Variants in CNTNAP2 observed in about 807,000 individuals in gnomAD.
CNTNAP2 encodes contactin associated protein 2.
CNTNAP2 carries 98 observed loss-of-function variants against 155.2 expected under a neutral mutation model. That is an observed-to-expected ratio of 0.63 (90% confidence interval 0.54 to 0.75). The LOEUF (loss-of-function observed/expected upper bound fraction) is 0.75, where lower values mean the gene tolerates loss of function less well. CNTNAP2 is among the 30% of genes least tolerant of loss of function. The pLI is 0.00. For missense variants in CNTNAP2, 1,727 were observed against 1,688.1 expected, an observed-to-expected ratio of 1.02 and a Z score of -0.40; for synonymous variants, 651 against 631.2, an observed-to-expected ratio of 1.03 and a Z score of -0.47.
chr7:146,781,042 C>T (rs190145099), intron 2 of CNTNAP2, among the ~76,000 whole-genome samples: 6 of 151,982 alleles, frequency 3.9e-5, no homozygotes, highest in South Asian at 2.1e-4. Context: ...TCCTGGCTAA[C>T]GTGGTGAAAT....
intron 22 of CNTNAP2, chr7:148,389,828 G>C (rs1056985095): frequency 4.6e-5 from 7 of 152,074 alleles, no homozygotes; most frequent in African/African-American, 1.7e-4. Flanking sequence ...TCCTTTGGGA[G>C]AGTGAAAGGG....
chr7:147,410,805 A>G (rs938588314), intron 10 of CNTNAP2, among the ~76,000 whole-genome samples: 5 of 152,252 alleles, frequency 3.3e-5, no homozygotes, highest in African/African-American at 1.2e-4. Context: ...TGTGTTAAAT[A>G]AAATATTAAT....
At chr7:147,458,924 T>C (rs1797967507) in intron 10 of CNTNAP2, among the ~76,000 whole-genome samples, 2 of 152,160 alleles carry the variant, frequency 1.3e-5, no homozygotes, top group Non-Finnish European at 1.5e-5. Context: ...TTCACATGCA[T>C]GAAATCAAGA....
chr7:147,630,600 C>A (rs1264163673), intron 12 of CNTNAP2, among the ~76,000 whole-genome samples: 1 of 152,100 alleles, frequency 6.6e-6, no homozygotes, highest in East Asian at 1.9e-4. Context: ...CCAAATTCAA[C>A]AGCATATCAA....
At chr7:147,594,754 TA>T (rs2116849933) in intron 12 of CNTNAP2, among the ~76,000 whole-genome samples, 1 of 152,238 alleles carries the variant, frequency 6.6e-6, no homozygotes, top group East Asian at 1.9e-4. Context: ...CCTGAATGAC[TA>T]AATTAGGTTT....
chr7:147,824,706 C>CA (rs35259690), intron 13 of CNTNAP2, among the ~76,000 whole-genome samples: 12,727 of 149,904 alleles, frequency 0.085, 607 homozygotes, highest in East Asian at 0.15. Flanking sequence ...CAATATCACC[C>CA]AAAAAAACCC....
chr7:146,661,736 T>C (rs1800093132), intron 1 of CNTNAP2, among the ~76,000 whole-genome samples: 2 of 151,324 alleles, frequency 1.3e-5, no homozygotes, highest in South Asian at 2.1e-4. Flanking sequence ...TTCTTTCTTT[T>C]TTTTTTTTAA....
intron 12 of CNTNAP2, among the ~76,000 whole-genome samples, chr7:147,591,534 CAT>C (rs1480852934): frequency 6.6e-6 from 1 of 152,140 alleles, no homozygotes; most frequent in African/African-American, 2.4e-5. Context: ...CAATTCAGCA[CAT>C]GAGTATCTTC....
chr7:147,643,917 A>T (rs1050746036), intron 13 of CNTNAP2, among the ~76,000 whole-genome samples: 28 of 152,100 alleles, frequency 1.8e-4, no homozygotes, highest in African/African-American at 6.3e-4. Context: ...GTATCTTCCA[A>T]TTTTTACAAG....
intron 13 of CNTNAP2, among the ~76,000 whole-genome samples, chr7:147,669,382 G>A (rs77376398): frequency 0.04 from 6,144 of 152,194 alleles, 137 homozygotes; most frequent in Middle Eastern, 0.13. Flanking sequence ...GAACAGCCTT[G>A]TAACATATCT....
At chr7:147,916,378 G>C (rs1004478687) in intron 14 of CNTNAP2, among the ~76,000 whole-genome samples, 1 of 152,136 alleles carries the variant, frequency 6.6e-6, no homozygotes, top group African/African-American at 2.4e-5. Context: ...TGTCAGCAGA[G>C]TGTCAATACG....
intron 8 of CNTNAP2, among the ~76,000 whole-genome samples, chr7:147,290,618 G>A (rs1389416737): frequency 1.3e-5 from 2 of 150,170 alleles, no homozygotes; most frequent in African/African-American, 4.9e-5. Context: ...GGGAGGTGGA[G>A]GTTGCAGTGG....
At chr7:147,492,286 C>G (rs1182131712) in intron 11 of CNTNAP2, among the ~76,000 whole-genome samples, 1 of 152,192 alleles carries the variant, frequency 6.6e-6, no homozygotes, top group Non-Finnish European at 1.5e-5. Context: ...TGCCGCTGAT[C>G]TGACAGAAGA....
chr7:147,204,911 T>C (rs1223736946), intron 8 of CNTNAP2, among the ~76,000 whole-genome samples: 2 of 152,074 alleles, frequency 1.3e-5, no homozygotes, highest in African/African-American at 4.8e-5. Flanking sequence ...TACCAATAAG[T>C]TGCCTTGTTT....
chr7:148,274,968 T>C (rs1422760237), intron 21 of CNTNAP2, among the ~76,000 whole-genome samples: 4 of 152,230 alleles, frequency 2.6e-5, no homozygotes, highest in Non-Finnish European at 4.4e-5. Flanking sequence ...CTCTGCTGCA[T>C]AGTATGTGTG....
At chr7:146,382,334 GA>G (rs1795401737) in intron 1 of CNTNAP2, among the ~76,000 whole-genome samples, 1 of 152,148 alleles carries the variant, frequency 6.6e-6, no homozygotes, top group African/African-American at 2.4e-5. Flanking sequence ...TTGAAGAGAT[GA>G]AAGGAATAAA....
chr7:148,183,184 G>T (rs373372917), intron 18 of CNTNAP2, among the ~76,000 whole-genome samples: 2 of 152,204 alleles, frequency 1.3e-5, no homozygotes, highest in Non-Finnish European at 2.9e-5. Context: ...ACCAACTGCA[G>T]CATGCAGGGA....
intron 1 of CNTNAP2, among the ~76,000 whole-genome samples, chr7:146,727,969 A>ACCTGC (rs1225676169): frequency 6.6e-6 from 1 of 152,030 alleles, no homozygotes; most frequent in Non-Finnish European, 1.5e-5. Flanking sequence ...AAGATAAAGC[A>ACCTGC]CCTGCTGTTA....
intron 10 of CNTNAP2, among the ~76,000 whole-genome samples, chr7:147,455,085 G>C (rs1029493298): frequency 2.6e-5 from 4 of 152,040 alleles, no homozygotes; most frequent in Non-Finnish European, 5.9e-5. Context: ...CTTCAACTTT[G>C]ACTTTCTGAT....
Sources: gnomAD v4.1 joint callset for allele counts (sites outside exome capture counted in the v4.1 genomes callset) on GRCh38, gnomAD v4.1.1 for gene constraint, MANE v1.5 for transcripts, NCBI Gene and HGNC (gene_info 2026-07-23, HGNC 2026-07-21) for gene names.